Variants in COL22A1 observed in about 807,000 individuals in gnomAD.
COL22A1 encodes collagen alpha-1(XXII) chain.
COL22A1 carries 221 observed loss-of-function variants against 248.9 expected under a neutral mutation model. The observed-to-expected ratio is 0.89, with a 90% CI of 0.80 to 0.99. The LOEUF (loss-of-function observed/expected upper bound fraction) is 0.99, where lower values mean the gene tolerates loss of function less well. COL22A1 is among the 50% of genes least tolerant of loss of function. The pLI is 0.00. For missense variants in COL22A1, 2,240 were observed against 2,179.0 expected (o/e 1.03, Z -0.56); for synonymous variants, 891 against 793.4 (o/e 1.12, Z -2.07).
chr8:138,627,299 A>T (rs1820323895), intron 50 of COL22A1, among the ~76,000 whole-genome samples: 1 of 152,212 alleles, frequency 6.6e-6, no homozygotes, highest in Non-Finnish European at 1.5e-5. Flanking sequence ...GTGATCTAGG[A>T]CTGGAGTCAG....
chr8:138,851,502 C>T (rs1023133874), intron 3 of COL22A1, among the ~76,000 whole-genome samples: 4 of 152,184 alleles, frequency 2.6e-5, no homozygotes, highest in African/African-American at 9.7e-5. Context: ...TGCTACCTGT[C>T]CAACAAGGAC....
intron 9 of COL22A1, among the ~76,000 whole-genome samples, chr8:138,809,672 C>A (rs578034994): frequency 1.3e-5 from 2 of 152,004 alleles, no homozygotes; most frequent in Non-Finnish European, 2.9e-5. Context: ...AGGCACACAC[C>A]ACCACGCCTG....
At chr8:138,862,187 C>T (rs1286190940) in intron 3 of COL22A1, among the ~76,000 whole-genome samples, 2 of 152,130 alleles carry the variant, frequency 1.3e-5, no homozygotes, top group Non-Finnish European at 2.9e-5. Flanking sequence ...CACCACACTC[C>T]AGCCTGGGAG....
chr8:138,623,257 TA>T (rs1327571355), intron 52 of COL22A1, among the ~76,000 whole-genome samples: 14 of 76,890 alleles, frequency 1.8e-4, no homozygotes, highest in African/African-American at 5.6e-4. Context: ...TATATATATA[TA>T]TTTATGTGTG....
intron 41 of COL22A1, among the ~76,000 whole-genome samples, chr8:138,674,360 C>T (rs942938876): frequency 2.6e-5 from 4 of 151,964 alleles, no homozygotes; most frequent in African/African-American, 9.7e-5. Flanking sequence ...TCACCTCCTC[C>T]ACACACCTTT....
chr8:138,695,178 G>A (rs987046090), intron 32 of COL22A1, among the ~76,000 whole-genome samples: 3 of 152,284 alleles, frequency 2.0e-5, no homozygotes, highest in Middle Eastern at 3.4e-3. Context: ...CCTGAGCCCT[G>A]TTATGGCCGC....
In COL22A1 at chr8:138,807,831, CA is replaced by C; in HGVS notation, c.1450-20del. 2 of 1,612,944 alleles carry C rather than the reference CA, an allele frequency of 1.2e-6. No individual in the cohort carries two copies. The highest frequency in any genetic ancestry group is 1.7e-6 in the Non-Finnish European group (2 of 1,179,356). Reference sequence around the variant, plus strand: ...TTTCACCCTAAAAGAAGAAAGACAACAAAAAAGTAAGTTTCTATTTTAATTT... The same window carrying C: ...TTTCACCCTAAAAGAAGAAAGACAACAAAAAGTAAGTTTCTATTTTAATTT... On this transcript the variant is annotated intron_variant, in intron 9 of 64. Coordinates refer to ENST00000303045, the MANE Select transcript of COL22A1 (RefSeq NM_152888.3).
At chr8:138,885,012 G>GCA (rs1186772922) in intron 1 of COL22A1, among the ~76,000 whole-genome samples, 7 of 107,090 alleles carry the variant, frequency 6.5e-5, no homozygotes, top group Admixed American at 3.5e-4. Flanking sequence ...ATATGTGTGT[G>GCA]CACGCACACA....
At chr8:138,645,892 A>G (rs1822163348) in intron 47 of COL22A1, among the ~76,000 whole-genome samples, 1 of 152,184 alleles carries the variant, frequency 6.6e-6, no homozygotes, top group Non-Finnish European at 1.5e-5. Flanking sequence ...CAGAGGCCAC[A>G]AGAGATAAGG....
intron 12 of COL22A1, among the ~76,000 whole-genome samples, chr8:138,781,460 GACA>G (rs1563755839): frequency 6.6e-6 from 1 of 152,170 alleles, no homozygotes; most frequent in Non-Finnish European, 1.5e-5. Context: ...CTCCAGGGGT[GACA>G]ACCAAAAATG....
intron 42 of COL22A1, among the ~76,000 whole-genome samples, chr8:138,662,696 C>T (rs1288649212): frequency 6.6e-6 from 1 of 152,146 alleles, no homozygotes; most frequent in Non-Finnish European, 1.5e-5. Context: ...GCTGACCCTG[C>T]ATCTCCTGGG....
intron 1 of COL22A1, among the ~76,000 whole-genome samples, chr8:138,895,146 C>T (rs371003823): frequency 2.5e-4 from 38 of 151,758 alleles, no homozygotes; most frequent in Admixed American, 1.6e-3. Context: ...AGCTGAACAT[C>T]TATCCTCACC....
At chr8:138,698,879 C>T (rs570566995) in intron 32 of COL22A1, among the ~76,000 whole-genome samples, 15 of 152,358 alleles carry the variant, frequency 9.8e-5, no homozygotes, top group East Asian at 5.8e-4. Context: ...TCTGCCAGAG[C>T]GGAGCAGAGT....
intron 63 of COL22A1, among the ~76,000 whole-genome samples, chr8:138,593,055 A>C (rs566798333): frequency 6.6e-6 from 1 of 152,312 alleles, no homozygotes; most frequent in South Asian, 2.1e-4. Flanking sequence ...GAATGAGTTC[A>C]TGTCCTTTGC....
intron 12 of COL22A1, among the ~76,000 whole-genome samples, chr8:138,790,910 C>T (rs1381182220): frequency 2.0e-5 from 3 of 152,104 alleles, no homozygotes; most frequent in Non-Finnish European, 4.4e-5. Context: ...AAGCTCGCAC[C>T]CCCATTTGCT....
chr8:138,868,034 A>T (rs1337720398), intron 3 of COL22A1, among the ~76,000 whole-genome samples: 2 of 152,214 alleles, frequency 1.3e-5, no homozygotes, highest in Non-Finnish European at 2.9e-5. Context: ...AAGTGCTGGG[A>T]TTACAGGCAT....
In COL22A1 at chr8:138,896,490, T is replaced by G. The variant is rs1189507504; in HGVS notation, c.-72-13246A>C. Among the ~76,000 whole-genome samples, 6 of 152,140 alleles carry G rather than the reference T, an allele frequency of 3.9e-5. No individual in the cohort carries two copies. In the South Asian group the frequency reaches 6.2e-4, roughly 16 times the overall value. ...ACTAAAAAATACTCAATAAAGATAT[T>G]TTTTCAAAAACATTATAAATAAATA... On this transcript the variant is annotated intron_variant, in intron 1 of 64. Coordinates refer to ENST00000303045, the MANE Select transcript of COL22A1 (RefSeq NM_152888.3).
chr8:138,648,848 A>C (rs755860657), intron 46 of COL22A1, among the ~76,000 whole-genome samples: 1 of 152,094 alleles, frequency 6.6e-6, no homozygotes, highest in East Asian at 1.9e-4. Flanking sequence ...TAGCACTGTC[A>C]AGACTTCCTA....
chr8:138,608,543 A>G (rs895967838), intron 56 of COL22A1, among the ~76,000 whole-genome samples: 3 of 152,216 alleles, frequency 2.0e-5, no homozygotes, highest in African/African-American at 4.8e-5. Context: ...TGGAAGGTCC[A>G]TTCACTCCAG....
Sources: gnomAD v4.1 joint callset for allele counts (sites outside exome capture counted in the v4.1 genomes callset) on GRCh38, gnomAD v4.1.1 for gene constraint, MANE v1.5 for transcripts, NCBI Gene and HGNC (gene_info 2026-07-23, HGNC 2026-07-21) for gene names.